CHST9: variants seen among roughly 807,000 people sequenced by gnomAD.
CHST9 encodes GalNAc-4-sulfotransferase 2.
Under a neutral mutation model 44.4 loss-of-function variants are expected in CHST9, and 41 were observed. The observed-to-expected ratio is 0.92, with a 90% CI of 0.72 to 1.20. CHST9 has a LOEUF of 1.20. Ranked by LOEUF, CHST9 falls within the 50% of genes most tolerant of loss-of-function variation. CHST9 has a pLI of 0.00. For synonymous variants in CHST9, 171 were observed against 178.4 expected (o/e 0.96, Z 0.33); for missense variants, 504 against 516.5 (o/e 0.98, Z 0.23).
chr18:26,983,409 T>A (rs1169980785), intron 4 of CHST9, among the ~76,000 whole-genome samples: 1 of 152,052 alleles, frequency 6.6e-6, no homozygotes, highest in African/African-American at 2.4e-5. Context: ...TCTCATGAGA[T>A]CTGGTTGTTT....
At chr18:26,961,546 C>T (rs2056400405) in intron 4 of CHST9, among the ~76,000 whole-genome samples, 1 of 152,052 alleles carries the variant, frequency 6.6e-6, no homozygotes, top group Non-Finnish European at 1.5e-5. Context: ...CCCTCCAATT[C>T]AGCCTCCAAG....
rs543192252 is a variant in CHST9, at chr18:27,040,887, C to T, written c.160+7578G>A. Among the ~76,000 whole-genome samples, 178 of 152,212 alleles carry T rather than the reference C, an allele frequency of 1.2e-3. 1 individual carries two copies. The highest frequency in any genetic ancestry group is 5.8e-4 in the East Asian group (3 of 5,168). ...GAAAATCAGGTATGACTTAACACTC[C>T]TTGCACAAGCCAGGCTGAGGATCTC... On this transcript the variant is annotated intron_variant, in intron 3 of 5. Coordinates refer to ENST00000618847, the MANE Select transcript of CHST9 (RefSeq NM_031422.6).
chr18:26,956,399 C>CTATA (rs66622848), intron 4 of CHST9, among the ~76,000 whole-genome samples: 1 of 143,678 alleles, frequency 7.0e-6, no homozygotes. Flanking sequence ...ATAATTATAT[C>CTATA]TATATATATA....
intron 2 of CHST9, among the ~76,000 whole-genome samples, chr18:27,053,301 AAGG>A (rs2057609792): frequency 7.4e-6 from 1 of 136,038 alleles, no homozygotes; most frequent in African/African-American, 2.8e-5. Flanking sequence ...GGAGAAGGAG[AAGG>A]AGAAGGAGAA....
At chr18:27,047,823 C>A (rs746996244) in intron 3 of CHST9, among the ~76,000 whole-genome samples, 2 of 152,058 alleles carry the variant, frequency 1.3e-5, no homozygotes, top group Non-Finnish European at 2.9e-5. Context: ...CAACACTGCT[C>A]CTATGCAAAG....
intron 2 of CHST9, among the ~76,000 whole-genome samples, chr18:27,054,946 A>G (rs1027197185): frequency 1.1e-4 from 16 of 152,076 alleles, no homozygotes; most frequent in Non-Finnish European, 1.6e-4. Flanking sequence ...TCTCCTCTCT[A>G]AAATATGTTC....
intron 4 of CHST9, among the ~76,000 whole-genome samples, chr18:26,970,458 TCA>T (rs1244238570): frequency 6.6e-6 from 1 of 152,200 alleles, no homozygotes; most frequent in Non-Finnish European, 1.5e-5. Flanking sequence ...AGACAGGGTC[TCA>T]CTCTGTCAGC....
chr18:27,113,401 A>G (rs2058291768), intron 2 of CHST9, among the ~76,000 whole-genome samples: 1 of 152,180 alleles, frequency 6.6e-6, no homozygotes, highest in South Asian at 2.1e-4. Context: ...TTTCTACTTT[A>G]AAAGGAAAAA....
chr18:27,119,935 G>C (rs2058360633), intron 2 of CHST9, among the ~76,000 whole-genome samples: 2 of 152,090 alleles, frequency 1.3e-5, no homozygotes, highest in African/African-American at 4.8e-5. Flanking sequence ...ATACTAGACT[G>C]ACTATAAGTC....
intron 5 of CHST9, among the ~76,000 whole-genome samples, chr18:26,931,553 A>T (rs1469214316): frequency 6.6e-6 from 1 of 152,216 alleles, no homozygotes; most frequent in Non-Finnish European, 1.5e-5. Context: ...CCTGTGACTC[A>T]TGACCATATT....
intron 4 of CHST9, among the ~76,000 whole-genome samples, chr18:27,016,243 G>A (rs1318490632): frequency 6.6e-6 from 1 of 152,192 alleles, no homozygotes; most frequent in Non-Finnish European, 1.5e-5. Flanking sequence ...TCACCCCTGA[G>A]CATAACCAGC....
At chr18:27,174,088 G>A (rs148441378) in intron 1 of CHST9, among the ~76,000 whole-genome samples, 78 of 151,862 alleles carry the variant, frequency 5.1e-4, no homozygotes, top group Admixed American at 6.6e-4. Flanking sequence ...GAAATTGAAC[G>A]GGGATGTAAT....
intron 1 of CHST9, among the ~76,000 whole-genome samples, chr18:27,162,206 A>G (rs907618117): frequency 6.6e-6 from 1 of 152,070 alleles, no homozygotes; most frequent in African/African-American, 2.4e-5. Context: ...CCTAGCCTTG[A>G]TGGTCTTTAC....
At chr18:27,156,606 T>C (rs1190796560) in intron 1 of CHST9, among the ~76,000 whole-genome samples, 1 of 152,062 alleles carries the variant, frequency 6.6e-6, no homozygotes, top group African/African-American at 2.4e-5. Flanking sequence ...AAAAGCTTCA[T>C]AGTGTTAAGA....
chr18:27,055,937 C>CGTGT (rs35128328), intron 2 of CHST9, among the ~76,000 whole-genome samples: 55,652 of 147,224 alleles, frequency 0.38, 10,727 homozygotes, highest in Non-Finnish European at 0.45. Context: ...TTCTCTCTTT[C>CGTGT]GTGTGTGTGT....
intron 2 of CHST9, among the ~76,000 whole-genome samples, chr18:27,063,641 T>C (rs1333156681): frequency 6.6e-6 from 1 of 152,214 alleles, no homozygotes; most frequent in African/African-American, 2.4e-5. Context: ...TTCTATTCTT[T>C]TTCCTTTGTT....
intron 4 of CHST9, among the ~76,000 whole-genome samples, chr18:26,995,510 G>A (rs560902777): frequency 1.3e-5 from 2 of 151,600 alleles, no homozygotes; most frequent in Non-Finnish European, 1.5e-5. Context: ...AGCTAAGCTG[G>A]CTGGATTCCC....
chr18:27,150,751 T>C (rs573714276), intron 1 of CHST9, among the ~76,000 whole-genome samples: 2 of 152,360 alleles, frequency 1.3e-5, no homozygotes, highest in African/African-American at 2.4e-5. Flanking sequence ...GTTTTCTTTG[T>C]CTGTAAGAAC....
chr18:27,158,705 G>C (rs1165436312), intron 1 of CHST9, among the ~76,000 whole-genome samples: 70 of 151,752 alleles, frequency 4.6e-4, no homozygotes, highest in African/African-American at 1.6e-3. Context: ...GGTTGAACTA[G>C]TTTACAGTCC....
Sources: allele counts gnomAD v4.1 joint callset (sites outside exome capture counted in the v4.1 genomes callset), GRCh38; gene constraint gnomAD v4.1.1; transcripts MANE v1.5; gene names NCBI Gene and HGNC (gene_info 2026-07-23, HGNC 2026-07-21).